Variants in ADD1 observed in about 807,000 individuals in gnomAD.
The protein encoded by ADD1 is adducin 1, also known as alpha-adducin.
In ADD1, 24 loss-of-function variants were observed where a neutral mutation model predicts 80.5. That is an observed-to-expected ratio of 0.30 (90% CI 0.22 to 0.42). The LOEUF is 0.42. Ranked by LOEUF, ADD1 falls within the 10% of genes least tolerant of loss-of-function variation. The pLI, the probability that ADD1 is intolerant of heterozygous loss-of-function variation, is 1.00. For synonymous variants in ADD1, 373 were observed against 393.8 expected, an observed-to-expected ratio of 0.95 and a Z score of 0.63; for missense variants, 948 against 1,019.0, an observed-to-expected ratio of 0.93 and a Z score of 0.95.
At chr4:2,923,431 C>T (rs1295011092) in intron 14 of ADD1, among the ~76,000 whole-genome samples, 3 of 152,236 alleles carry the variant, frequency 2.0e-5, no homozygotes, top group Non-Finnish European at 4.4e-5. Context: ...TGAGGCAACA[C>T]CCCACCCTGC....
intron 1 of ADD1, among the ~76,000 whole-genome samples, chr4:2,865,467 T>C (rs896111354): frequency 1.3e-5 from 2 of 152,252 alleles, no homozygotes; most frequent in Admixed American, 1.3e-4. Context: ...TACGTTTTTC[T>C]CAGTTCACTT....
chr4:2,871,222 C>T (rs926529208), intron 1 of ADD1, among the ~76,000 whole-genome samples: 7 of 152,018 alleles, frequency 4.6e-5, no homozygotes, highest in African/African-American at 1.5e-4. Flanking sequence ...CCACCCTCCT[C>T]GGCCTCCCAA....
rs773996810 is a variant in ADD1, at chr4:2,904,942, G to T, written c.1340G>T (p.Trp447Leu). The T allele has an allele frequency of 1.2e-6, 2 of 1,614,208 alleles. No individual in the cohort carries two copies. Among genetic ancestry groups the T allele is most frequent in the Admixed American group, 3.3e-5 (2 of 60,012 alleles). ...FQKQQREKTR[W>L]LNSGRGDEAS... ...AAGCAGCAGCGGGAGAAGACAAGATGGCTGAACTCTGGCCGGGGCGACGAA... is the reference window on the plus strand; with the variant it reads ...AAGCAGCAGCGGGAGAAGACAAGATTGCTGAACTCTGGCCGGGGCGACGAA... Residue 447 changes from tryptophan to leucine, a missense_variant, in exon 10 of 16, where the codon TGG becomes TTG. Physicochemically the swap from Trp to Leu is moderately conservative, Grantham distance 61. Transcript: ENST00000683351.
Position 2,926,023 on chromosome 4 carries a change from A to G in ADD1, c.1958A>G (p.Asp653Gly). Residue 653 changes from aspartate (D) to glycine (G), a missense_variant, in exon 15 of 16, where the codon GAC becomes GGC. By Grantham distance (94) the Asp-to-Gly change is moderately conservative. Coordinates refer to ENST00000683351, the MANE Select transcript of ADD1 (RefSeq NM_001354761.2). This position sits in a 1 kb window ranked among gnomAD's most constrained non-coding sequence, Gnocchi z 5.0. ...TCTTGCTTCTCTGCAGAGAATCTGG[A>G]CGAGGCTAGAGAACAGAAAGAAAAG... ...RKQKGSEENLDEAREQKEKSP... is the reference protein window; with the variant it reads ...RKQKGSEENLGEAREQKEKSP... The G allele has an allele frequency of 2.5e-6, 4 of 1,614,036 alleles. No homozygotes were observed. Among genetic ancestry groups the G allele is most frequent in the Non-Finnish European group, 3.4e-6 (4 of 1,179,944 alleles).
intron 1 of ADD1, among the ~76,000 whole-genome samples, chr4:2,850,064 T>C (rs1726832517): frequency 6.6e-6 from 1 of 152,206 alleles, no homozygotes; most frequent in East Asian, 1.9e-4. Context: ...ACACCCCAGA[T>C]GTCCATCAGC....
chr4:2,897,742 C>T (rs188088572), intron 6 of ADD1, among the ~76,000 whole-genome samples: 20 of 151,950 alleles, frequency 1.3e-4, no homozygotes, highest in Admixed American at 3.9e-4. Context: ...AGGCTGACGT[C>T]GAACTTCCAG....
intron 13 of ADD1, 81 bp downstream of exon 13, chr4:2,909,512 C>A: frequency 2.0e-6 from 2 of 983,766 alleles, no homozygotes; most frequent in Non-Finnish European, 3.0e-6. Context: ...TCTCTTCAGG[C>A]ATTGTCTTAG....
At chr4:2,861,572 T>C (rs1728823483) in intron 1 of ADD1, among the ~76,000 whole-genome samples, 1 of 152,190 alleles carries the variant, frequency 6.6e-6, no homozygotes, top group Admixed American at 6.6e-5. Context: ...GGGAAGAGTT[T>C]AGGGCTAGAG....
chr4:2,885,802 G>A (rs893998516), intron 4 of ADD1, among the ~76,000 whole-genome samples: 3 of 151,860 alleles, frequency 2.0e-5, no homozygotes, highest in Non-Finnish European at 2.9e-5. Context: ...AGTAGAGACG[G>A]GGTTTCACCG....
chr4:2,909,389 A>G lies in ADD1; in HGVS notation c.1749A>G (p.Thr583=), dbSNP rs1205584594. Residue 583 remains threonine (T), a synonymous_variant, in exon 13 of 16, where the codon ACA becomes ACG. Coordinates refer to ENST00000683351, the MANE Select transcript of ADD1 (RefSeq NM_001354761.2). ...AAACTATCGAAGGGCTCGAGCTTAC[A>G]GAGCAGACCTTTAGTCCCGCTAAAT... ...CTETIEGLEL[T]EQTFSPAKSL... 6.4e-7 allele frequency: 1 copy of G among 1,550,450 alleles called. No individual in the cohort carries two copies. The highest frequency in any genetic ancestry group is 8.7e-7 in the Non-Finnish European group (1 of 1,146,966).
intron 13 of ADD1, among the ~76,000 whole-genome samples, chr4:2,911,448 A>ATT (rs33935514): frequency 0.011 from 1,496 of 130,492 alleles, 23 homozygotes; most frequent in East Asian, 0.022. Flanking sequence ...ATATATATAT[A>ATT]TTTTTTTTTT....
Position 2,919,060 on chromosome 4 carries a change from C to T in ADD1, c.1948+4020C>T, listed in dbSNP as rs538072130. ...TTCACCATGTTGGCCAGGATGGTCTCGATCTCCTGACCTTGTGATCCACCT... is the reference window on the plus strand; with the variant it reads ...TTCACCATGTTGGCCAGGATGGTCTTGATCTCCTGACCTTGTGATCCACCT... On this transcript the variant is annotated intron_variant, in intron 14 of 15. Transcript: ENST00000683351. Among the ~76,000 whole-genome samples the T allele has an allele frequency of 5.9e-4, 90 of 152,064 alleles. 2 individuals carry two copies. The South Asian group carries it at 0.017, about 29-fold the overall frequency.
intron 1 of ADD1, among the ~76,000 whole-genome samples, chr4:2,852,189 T>TCTTTCCTTTCTTTC (rs1553815100): frequency 4.9e-4 from 25 of 50,738 alleles, no homozygotes; most frequent in African/African-American, 1.5e-3. Context: ...TTTCTTTCTT[T>TCTTTCCTTTCTTTC]CTTTCTTTCC....
At chr4:2,845,333 A>T (rs1447739340) in intron 1 of ADD1, among the ~76,000 whole-genome samples, 1 of 152,180 alleles carries the variant, frequency 6.6e-6, no homozygotes, top group African/African-American at 2.4e-5. Context: ...GGCCTCCAAA[A>T]GTGCTGGGAT....
chr4:2,848,619 C>T (rs938216758), intron 1 of ADD1, among the ~76,000 whole-genome samples: 6 of 152,008 alleles, frequency 3.9e-5, no homozygotes, highest in African/African-American at 1.4e-4. Flanking sequence ...CAGGTTCATG[C>T]CAACAGGCTT....
Position 2,881,892 on chromosome 4 carries a change from T to G in ADD1, c.196-6T>G. 2 of 1,591,982 alleles carry G rather than the reference T, an allele frequency of 1.3e-6. No individual in the cohort carries two copies. Among genetic ancestry groups the G allele is most frequent in the South Asian group, 2.3e-5 (2 of 86,786 alleles). On this transcript the variant is annotated splice_region_variant and splice_polypyrimidine_tract_variant and intron_variant, in intron 2 of 15. Transcript: ENST00000683351. ...GGTATCTCAGTGTTTTAATATTTTT[T>G]ATTAGGCTTTCTGTGAAGAATTGGA...
rs61653919 is a variant in ADD1 at position 2,883,317 on chromosome 4, GT to G, written c.359-1184del. 8.2e-3 allele frequency among the ~76,000 whole-genome samples: 1,170 copies of G among 142,770 alleles called. 8 individuals are homozygous for G. The highest frequency in any genetic ancestry group is 0.021 in the African/African-American group (811 of 39,300). 93.7% of individuals were successfully genotyped at this position (142,770 alleles called of 152,430 possible). A position where few individuals can be genotyped will look rare whatever the true frequency, so the allele number is the denominator to read the frequency against. ...ATCATCCTTCAGTGATGAACAATTA[GT>G]TTTTTTTTTTTTTAGTATTATTTGA... On this transcript the variant is annotated intron_variant, in intron 3 of 15. Transcript: ENST00000683351.
chr4:2,881,187 C>A (rs1218457239), intron 2 of ADD1, among the ~76,000 whole-genome samples: 1 of 146,304 alleles, frequency 6.8e-6, no homozygotes, highest in Non-Finnish European at 1.5e-5. Context: ...AAGCAATTCT[C>A]CTTTCTCAGC....
At chr4:2,852,238 T>TCCTTTCTTTC (rs375235720) in intron 1 of ADD1, among the ~76,000 whole-genome samples, 2 of 73,072 alleles carry the variant, frequency 2.7e-5, no homozygotes, top group East Asian at 7.6e-4. Flanking sequence ...TTCCTTTCTT[T>TCCTTTCTTTC]CTTTCTTTCT....
Sources: gnomAD v4.1 joint callset for allele counts (sites outside exome capture counted in the v4.1 genomes callset) on GRCh38, gnomAD v4.1.1 for gene constraint, Gnocchi (gnomAD v3.1) non-coding constraint, MANE v1.5 for transcripts, NCBI Gene and HGNC (gene_info 2026-07-23, HGNC 2026-07-21) for gene names.